TOPAZ1: variants seen among roughly 807,000 people sequenced by gnomAD.
TOPAZ1 encodes the protein protein TOPAZ1.
A neutral mutation model predicts 172.2 loss-of-function variants in TOPAZ1; 66 were observed. That is an observed-to-expected ratio of 0.38 (90% CI 0.31 to 0.47). TOPAZ1 has a LOEUF of 0.47. Ranked by LOEUF, TOPAZ1 falls within the 20% of genes least tolerant of loss-of-function variation. The pLI, the probability that TOPAZ1 is intolerant of heterozygous loss-of-function variation, is 0.99. For synonymous variants in TOPAZ1, 681 were observed against 683.9 expected (o/e 1.00, Z 0.07); for missense variants, 1,822 against 1,972.4 (o/e 0.92, Z 1.44).
At chr3:44,318,653 T>C (rs991626891) in intron 16 of TOPAZ1, among the ~76,000 whole-genome samples, 2 of 151,432 alleles carry the variant, frequency 1.3e-5, no homozygotes, top group Admixed American at 6.6e-5. Context: ...CCTAGGGAAA[T>C]CCAGCCATTC....
In TOPAZ1 at chr3:44,244,794, A is replaced by T; in HGVS notation, c.2288A>T (p.Asn763Ile). The T allele has an allele frequency of 6.4e-7, 1 of 1,551,632 alleles. No individual in the cohort carries two copies. Among genetic ancestry groups the T allele is most frequent in the Non-Finnish European group, 8.7e-7 (1 of 1,146,986 alleles). ...PVQASSDSFY[N>I]KKSYSISPSF... ...CAAGCTAGTTCTGACTCATTCTACA[A>T]TAAGAAATCCTATAGTATTTCTCCA... is the stretch of plus-strand genomic sequence containing the variant. The change falls in exon 2 of 20, where the codon AAT (asparagine) becomes ATT (isoleucine). Residue 763 changes from asparagine (N) to isoleucine (I), a missense_variant. Asn to Ile is a moderately radical substitution (Grantham distance 149, BLOSUM62 -3). Around this residue, in one of 2 missense-constraint regions of TOPAZ1, gnomAD observed 1,489 missense variants for 1,490.8 expected, o/e 1.00. Coordinates refer to ENST00000309765, the MANE Select transcript of TOPAZ1 (RefSeq NM_001145030.2).
chr3:44,327,565 A>C (rs1559550501), intron 18 of TOPAZ1, among the ~76,000 whole-genome samples: 1 of 152,334 alleles, frequency 6.6e-6, no homozygotes, highest in East Asian at 1.9e-4. Flanking sequence ...ACAATGCCAG[A>C]CATTTAGTAG....
Position 44,328,419 on chromosome 3 carries a change from G to C in TOPAZ1, c.4845G>C (p.Gln1615His). Reference sequence around the variant, plus strand: ...CTGGAACTTCTACACAGATACTGCAGATAGTTTTGAAAAGGTTGGTTGACA... The same window carrying C: ...CTGGAACTTCTACACAGATACTGCACATAGTTTTGAAAAGGTTGGTTGACA... ...QSPGTSTQILQIVLKRCEDNQ... is the reference protein window; with the variant it reads ...QSPGTSTQILHIVLKRCEDNQ... Residue 1615 changes from glutamine (Q) to histidine (H), a missense_variant, in exon 19 of 20, where the codon CAG (glutamine) becomes CAC (histidine). Physicochemically the swap from Gln to His is conservative, Grantham distance 24. Coordinates refer to ENST00000309765, the MANE Select transcript of TOPAZ1 (RefSeq NM_001145030.2). The C allele has an allele frequency of 6.6e-7, 1 of 1,507,608 alleles. No individual in the cohort carries two copies. The highest frequency in any genetic ancestry group is 8.8e-7 in the Non-Finnish European group (1 of 1,132,316). The allele number at this position is 1,507,608 out of a possible 1,614,324, so 93.4% of individuals were successfully genotyped here.
chr3:44,284,849 TTAAAG>T (rs1382165471), intron 9 of TOPAZ1, among the ~76,000 whole-genome samples: 1 of 152,178 alleles, frequency 6.6e-6, no homozygotes, highest in Non-Finnish European at 1.5e-5. Flanking sequence ...TTTCTGTGGT[TTAAAG>T]TAATCAAAGG....
At chr3:44,262,209 T>C (rs1043864298) in intron 4 of TOPAZ1, among the ~76,000 whole-genome samples, 2 of 152,176 alleles carry the variant, frequency 1.3e-5, no homozygotes, top group South Asian at 2.1e-4. Context: ...TTTTGACTTA[T>C]ATTAATTTTT....
At chr3:44,269,721 AGCCTCAGCCTTAAGATTCTCCT>A (rs912037878) in intron 7 of TOPAZ1, among the ~76,000 whole-genome samples, 1 of 151,638 alleles carries the variant, frequency 6.6e-6, no homozygotes, top group Non-Finnish European at 1.5e-5. Context: ...CCTGGGTTCA[AGCCTCAGCCTTAAGATTCTCCT>A]GCCTCAGCCT....
intron 4 of TOPAZ1, among the ~76,000 whole-genome samples, chr3:44,257,822 GACC>G (rs1374355627): frequency 2.0e-5 from 3 of 151,882 alleles, no homozygotes. Flanking sequence ...AGATTTATGT[GACC>G]ACCACTGCAG....
chr3:44,260,980 T>C (rs1124125), intron 4 of TOPAZ1, among the ~76,000 whole-genome samples: 120,368 of 147,940 alleles, frequency 0.81, 48,305 homozygotes, highest in Middle Eastern at 0.87. Flanking sequence ...TGTTTCTTTT[T>C]TTTTGTTTCA....
intron 12 of TOPAZ1, 100 bp downstream of exon 12, chr3:44,290,986 C>A: frequency 1.4e-6 from 1 of 709,146 alleles, no homozygotes; most frequent in Non-Finnish European, 2.3e-6. Flanking sequence ...TATGCCCAAA[C>A]ATTTAGATAG....
At chr3:44,285,657 C>T (rs903137740) in intron 9 of TOPAZ1, among the ~76,000 whole-genome samples, 1 of 151,672 alleles carries the variant, frequency 6.6e-6, no homozygotes, top group Admixed American at 6.6e-5. Flanking sequence ...GCAACCTCCG[C>T]CTCCTGGGTT....
chr3:44,242,077 C>T lies in TOPAZ1; in HGVS notation c.24C>T (p.Gly8=), dbSNP rs1170500868. The change falls in exon 1 of 20, where the codon GGC becomes GGT. Residue 8 remains glycine, a synonymous_variant. Coordinates refer to ENST00000309765, the MANE Select transcript of TOPAZ1 (RefSeq NM_001145030.2). ...ACATGCGACGACCTCCACCCCTGGGCCCCACGACGGCCTCAGGGCCTGAAG... is the reference window on the plus strand; with the variant it reads ...ACATGCGACGACCTCCACCCCTGGGTCCCACGACGGCCTCAGGGCCTGAAG... MRRPPPL[G]PTTASGPEGN... The T allele has an allele frequency of 1.3e-6, 2 of 1,545,356 alleles. No individual in the cohort carries two copies. The highest frequency in any genetic ancestry group is 1.7e-6 in the Non-Finnish European group (2 of 1,146,376).
intron 4 of TOPAZ1, 28 bp downstream of exon 4, chr3:44,256,306 A>G (rs1229932196): frequency 6.6e-7 from 1 of 1,509,260 alleles, no homozygotes; most frequent in Admixed American, 2.7e-5. Context: ...GTGTTTTTTT[A>G]TTTCTTGGTC....
At chr3:44,250,651 G>A (rs747869133) in intron 2 of TOPAZ1, among the ~76,000 whole-genome samples, 5 of 152,108 alleles carry the variant, frequency 3.3e-5, no homozygotes, top group Non-Finnish European at 5.9e-5. Context: ...ACAGCACACT[G>A]GAAGAGCGGC....
At chr3:44,329,908 A>G (rs1268494007) in intron 19 of TOPAZ1, among the ~76,000 whole-genome samples, 1 of 152,182 alleles carries the variant, frequency 6.6e-6, no homozygotes, top group Non-Finnish European at 1.5e-5. Flanking sequence ...AGAAGAAACT[A>G]TCTTTATCTT....
chr3:44,262,826 G>A (rs1448094615), intron 5 of TOPAZ1, among the ~76,000 whole-genome samples: 2 of 152,244 alleles, frequency 1.3e-5, no homozygotes, highest in African/African-American at 4.8e-5. Flanking sequence ...TAGTTGCAGC[G>A]ATTCATACTA....
At chr3:44,318,165 G>A (rs1447922942) in intron 16 of TOPAZ1, among the ~76,000 whole-genome samples, 1 of 148,520 alleles carries the variant, frequency 6.7e-6, no homozygotes, top group East Asian at 2.0e-4. Flanking sequence ...CACCTACTGA[G>A]GGGCGGGCAT....
intron 16 of TOPAZ1, 68 bp from the exon 17 acceptor site, chr3:44,320,959 A>T (rs1575735136): frequency 4.0e-6 from 4 of 993,332 alleles, no homozygotes; most frequent in South Asian, 3.3e-5. Context: ...TTGAAACATT[A>T]GTTGTGATTA....
Position 44,331,955 on chromosome 3 carries a change from T to C in TOPAZ1, c.5023T>C (p.Trp1675Arg). The change falls in exon 20 of 20, where the codon TGG (tryptophan) becomes CGG (arginine). Residue 1675 changes from tryptophan to arginine, a missense_variant. By Grantham distance (101) the Trp-to-Arg change is moderately radical (BLOSUM62 -3). Coordinates refer to ENST00000309765, the MANE Select transcript of TOPAZ1 (RefSeq NM_001145030.2). ...TTTGGAACATTGTTCTGCCCTGAAA[T>C]GGTTAAAAGAGAATATGAAGTGGGC... The part of the protein sequence containing the change: ...YSLEHCSALK[W>R]LKENMKWAGK... 1 of 1,551,140 alleles carries C rather than the reference T, an allele frequency of 6.4e-7. No individual in the cohort carries two copies. Among genetic ancestry groups the C allele is most frequent in the Non-Finnish European group, 8.7e-7 (1 of 1,146,958 alleles).
Position 44,243,660 on chromosome 3 carries a change from G to A in TOPAZ1, c.1154G>A (p.Ser385Asn), listed in dbSNP as rs773513706. The part of the protein sequence containing the change: ...KSPLNVLRKV[S>N]HNTVSLMDHL... Reference sequence around the variant, plus strand: ...CCTTTAAATGTTTTGAGAAAAGTAAGCCATAATACAGTCTCTTTGATGGAT... The same window carrying A: ...CCTTTAAATGTTTTGAGAAAAGTAAACCATAATACAGTCTCTTTGATGGAT... The change falls in exon 2 of 20, where the codon AGC becomes AAC. Residue 385 changes from serine to asparagine, a missense_variant. Around this residue, in one of 2 missense-constraint regions of TOPAZ1, gnomAD observed 1,489 missense variants for 1,490.8 expected, o/e 1.00. Transcript: ENST00000309765. The A allele has an allele frequency of 6.5e-7, 1 of 1,550,030 alleles. No individual in the cohort carries two copies. The highest frequency in any genetic ancestry group is 8.7e-7 in the Non-Finnish European group (1 of 1,146,940).
Sources: allele counts gnomAD v4.1 joint callset (sites outside exome capture counted in the v4.1 genomes callset), GRCh38; gene constraint gnomAD v4.1.1; regional missense constraint gnomAD v4.1.1; transcripts MANE v1.5; gene names NCBI Gene and HGNC (gene_info 2026-07-23, HGNC 2026-07-21).